The following DOCK3 variants were observed in gnomAD, a reference collection of about 807,000 sequenced individuals.
DOCK3 encodes the protein dedicator of cytokinesis protein 3.
In DOCK3, 60 loss-of-function variants were observed where a neutral mutation model predicts 265.6. That is an observed-to-expected ratio of 0.23 (90% CI 0.18 to 0.28). The LOEUF is 0.28. Ranked by LOEUF, DOCK3 falls within the 10% of genes least tolerant of loss-of-function variation. The pLI, the probability that DOCK3 is intolerant of heterozygous loss-of-function variation, is 1.00. For missense variants in DOCK3, 1,981 were observed against 2,594.3 expected (o/e 0.76, Z 5.14); for synonymous variants, 881 against 938.0 (o/e 0.94, Z 1.11).
intron 32 of DOCK3, among the ~76,000 whole-genome samples, chr3:51,316,796 T>C (rs1475681913): frequency 6.6e-6 from 1 of 152,238 alleles, no homozygotes; most frequent in African/African-American, 2.4e-5. Context: ...TTCATTTTCA[T>C]TTGAGTTGCT....
intron 4 of DOCK3, among the ~76,000 whole-genome samples, chr3:50,923,741 C>G (rs531952635): frequency 6.6e-6 from 1 of 152,254 alleles, no homozygotes; most frequent in Non-Finnish European, 1.5e-5. Flanking sequence ...GATTTCCTTA[C>G]TTTACCTCCC....
At chr3:50,780,267 A>G (rs772074278) in intron 2 of DOCK3, among the ~76,000 whole-genome samples, 16 of 152,232 alleles carry the variant, frequency 1.1e-4, no homozygotes, top group Non-Finnish European at 1.8e-4. Context: ...AAATATTGAA[A>G]GAGTTTTCAC....
chr3:50,992,972 C>T (rs992602809), intron 5 of DOCK3, among the ~76,000 whole-genome samples: 15 of 152,108 alleles, frequency 9.9e-5, no homozygotes, highest in African/African-American at 3.6e-4. Flanking sequence ...TTGTACTATG[C>T]CAGTGATGCA....
chr3:50,786,889 C>T (rs2108572350), intron 2 of DOCK3: 1 of 737,614 alleles, frequency 1.4e-6, no homozygotes, highest in Non-Finnish European at 2.6e-6. Flanking sequence ...CAGAATGCTG[C>T]AGGGAGTGCC....
At chr3:51,107,047 A>G (rs2083308553) in intron 9 of DOCK3, among the ~76,000 whole-genome samples, 1 of 152,242 alleles carries the variant, frequency 6.6e-6, no homozygotes, top group Non-Finnish European at 1.5e-5. Flanking sequence ...GCCAAGCTTG[A>G]TATCAGTTTC....
At chr3:51,232,693 C>T (rs1305725749) in intron 19 of DOCK3, among the ~76,000 whole-genome samples, 1 of 152,118 alleles carries the variant, frequency 6.6e-6, no homozygotes, top group East Asian at 1.9e-4. Flanking sequence ...AATGTCTATT[C>T]ATGTCCTTTG....
intron 2 of DOCK3, among the ~76,000 whole-genome samples, chr3:50,784,304 A>G (rs575510662): frequency 6.6e-6 from 1 of 152,330 alleles, no homozygotes; most frequent in East Asian, 1.9e-4. Context: ...TGCTTTGTCA[A>G]ACATCATTTG....
chr3:50,792,417 C>T (rs1479654289), intron 2 of DOCK3, among the ~76,000 whole-genome samples: 2 of 152,014 alleles, frequency 1.3e-5, no homozygotes, highest in African/African-American at 4.8e-5. Flanking sequence ...AGTTTGACTT[C>T]CTCTCTTCCT....
chr3:51,172,469 C>A (rs1442086442), intron 12 of DOCK3, among the ~76,000 whole-genome samples: 2 of 152,218 alleles, frequency 1.3e-5, no homozygotes, highest in Non-Finnish European at 2.9e-5. Context: ...AGCTACCACG[C>A]CCAGCTGGAA....
Position 50,732,272 on chromosome 3 carries a change from C to G in DOCK3, c.38-46403C>G, listed in dbSNP as rs28558907. On this transcript the variant is annotated intron_variant, in intron 1 of 52. Coordinates refer to ENST00000266037, the MANE Select transcript of DOCK3 (RefSeq NM_004947.5). ...GGCCTGTTGGGTGGTGGGGCTGGGG[C>G]AGGGAGAGTATTAGGAAAAATAGCT... 2.8e-3 allele frequency among the ~76,000 whole-genome samples: 423 copies of G among 152,096 alleles called. 2 individuals carry two copies. Among genetic ancestry groups the G allele is most frequent in the African/African-American group, 9.8e-3 (405 of 41,456 alleles).
intron 3 of DOCK3, among the ~76,000 whole-genome samples, chr3:50,870,142 G>A (rs1458706133): frequency 1.3e-5 from 2 of 152,142 alleles, no homozygotes; most frequent in Admixed American, 6.5e-5. Flanking sequence ...CATCTGTAGT[G>A]CAGATTAAAT....
At chr3:51,109,971 A>T (rs982847882) in intron 9 of DOCK3, among the ~76,000 whole-genome samples, 3 of 152,060 alleles carry the variant, frequency 2.0e-5, no homozygotes, top group African/African-American at 7.2e-5. Flanking sequence ...TGAAATGACA[A>T]AGGGAATATT....
At chr3:50,983,783 C>G (rs972118215) in intron 5 of DOCK3, among the ~76,000 whole-genome samples, 1 of 152,202 alleles carries the variant, frequency 6.6e-6, no homozygotes, top group South Asian at 2.1e-4. Context: ...AGCTATAACA[C>G]AAACAGGGCT....
At chr3:50,929,147 T>TA (rs1202088027) in intron 4 of DOCK3, among the ~76,000 whole-genome samples, 1 of 152,168 alleles carries the variant, frequency 6.6e-6, no homozygotes, top group Non-Finnish European at 1.5e-5. Flanking sequence ...CCTTTGAACA[T>TA]TATAGAGTCT....
At chr3:51,198,804 C>G (rs541331621) in intron 12 of DOCK3, among the ~76,000 whole-genome samples, 4 of 152,040 alleles carry the variant, frequency 2.6e-5, no homozygotes, top group African/African-American at 4.8e-5. Context: ...CTGAGTCAGG[C>G]GGATCACTTG....
chr3:51,063,275 G>A (rs2081485133), intron 5 of DOCK3, among the ~76,000 whole-genome samples: 1 of 152,110 alleles, frequency 6.6e-6, no homozygotes, highest in South Asian at 2.1e-4. Context: ...GAGTTGAGGG[G>A]ATTGCTCAAG....
intron 2 of DOCK3, among the ~76,000 whole-genome samples, chr3:50,790,462 A>G (rs917926058): frequency 7.8e-6 from 1 of 129,018 alleles, no homozygotes; most frequent in African/African-American, 2.7e-5. Context: ...TTTTTGTTTC[A>G]ATATTTAGAG....
chr3:50,881,764 A>G (rs2048037655), intron 3 of DOCK3, among the ~76,000 whole-genome samples: 1 of 152,192 alleles, frequency 6.6e-6, no homozygotes, highest in Admixed American at 6.5e-5. Context: ...GGAAAAAACT[A>G]CTTTAAAGTT....
At chr3:51,093,160 A>G (rs774061704) in intron 9 of DOCK3, among the ~76,000 whole-genome samples, 4 of 152,108 alleles carry the variant, frequency 2.6e-5, no homozygotes, top group Non-Finnish European at 4.4e-5. Flanking sequence ...TTGGCTATGC[A>G]GGCTCTTTTT....
Sources: allele counts gnomAD v4.1 joint callset (sites outside exome capture counted in the v4.1 genomes callset), GRCh38; gene constraint gnomAD v4.1.1; transcripts MANE v1.5; gene names NCBI Gene and HGNC (gene_info 2026-07-23, HGNC 2026-07-21).